DOCK7: variants seen among roughly 807,000 people sequenced by gnomAD.
The protein encoded by DOCK7 is dedicator of cytokinesis 7, also known as dedicator of cytokinesis protein 7.
DOCK7 carries 138 observed loss-of-function variants against 271.0 expected under a neutral mutation model. The ratio of observed to expected loss-of-function variants is 0.51; its 90% CI spans 0.44 to 0.59. The LOEUF is 0.59. Ranked by LOEUF, DOCK7 falls within the 20% of genes least tolerant of loss-of-function variation. DOCK7 has a pLI of 0.00. For synonymous variants in DOCK7, 823 were observed against 876.1 expected (o/e 0.94, Z 1.07); for missense variants, 2,066 against 2,592.4 (o/e 0.80, Z 4.41).
rs1456189072 is a variant in DOCK7, at chr1:62,533,681, A to C, written c.3611+1812T>G. 3.9e-5 allele frequency among the ~76,000 whole-genome samples: 6 copies of C among 152,292 alleles called. 1 individual carries two copies. In the East Asian group the frequency reaches 1.2e-3, roughly 29 times the overall value. ...TTTAAAATAGATTCCAAACTTAGGA[A>C]GTTGCCATTATAAAAAACACATGTC... On this transcript the variant is annotated intron_variant, in intron 29 of 49. Coordinates refer to ENST00000635253, the MANE Select transcript of DOCK7 (RefSeq NM_001367561.1).
chr1:62,684,557 T>C (rs1018900527), intron 1 of DOCK7, among the ~76,000 whole-genome samples: 2 of 152,220 alleles, frequency 1.3e-5, no homozygotes, highest in Non-Finnish European at 2.9e-5. Context: ...GTACATTTTC[T>C]GCCTCTCTGG....
intron 37 of DOCK7, among the ~76,000 whole-genome samples, chr1:62,504,338 T>C (rs1282005825): frequency 3.3e-5 from 5 of 152,214 alleles, no homozygotes; most frequent in African/African-American, 1.2e-4. Flanking sequence ...ATACTTAAAC[T>C]TGTATTTCTT....
At chr1:62,636,187 G>C (rs1432604048) in intron 8 of DOCK7, among the ~76,000 whole-genome samples, 1 of 152,190 alleles carries the variant, frequency 6.6e-6, no homozygotes, top group East Asian at 1.9e-4. Context: ...GGGAGGCGGA[G>C]CTTGCGCTGG....
At chr1:62,665,377 G>C (rs754750854) in intron 1 of DOCK7, among the ~76,000 whole-genome samples, 1 of 151,802 alleles carries the variant, frequency 6.6e-6, no homozygotes, top group Non-Finnish European at 1.5e-5. Context: ...TCCTCTCATC[G>C]AAGCTGAGAT....
intron 14 of DOCK7, among the ~76,000 whole-genome samples, chr1:62,607,559 G>A (rs539750224): frequency 5.3e-5 from 8 of 152,178 alleles, no homozygotes; most frequent in African/African-American, 1.7e-4. Flanking sequence ...TCAATCTTCC[G>A]AAAAGGAATT....
chr1:62,543,572 T>C (rs1645604017), intron 24 of DOCK7, 84 bp downstream of exon 24: 2 of 1,024,040 alleles, frequency 2.0e-6, no homozygotes, highest in Admixed American at 1.9e-5. Context: ...AAGTATCTCA[T>C]ACTGGTTATG....
intron 36 of DOCK7, 32 bp from the exon 37 acceptor site, chr1:62,504,814 T>A: frequency 6.2e-7 from 1 of 1,603,948 alleles, no homozygotes; most frequent in Non-Finnish European, 8.5e-7. Context: ...CACCACTGAA[T>A]TTTTACAGTA....
intron 2 of DOCK7, among the ~76,000 whole-genome samples, chr1:62,662,610 A>C (rs1426777411): frequency 6.6e-6 from 1 of 151,932 alleles, no homozygotes; most frequent in Non-Finnish European, 1.5e-5. Context: ...AAAATACAAA[A>C]ATTAGCTGGG....
chr1:62,514,830 T>C (rs1644611574), intron 31 of DOCK7, among the ~76,000 whole-genome samples: 1 of 151,984 alleles, frequency 6.6e-6, no homozygotes, highest in Admixed American at 6.6e-5. Flanking sequence ...CAAGAAAGGG[T>C]AAAGCTAGGA....
chr1:62,597,611 T>C lies in DOCK7; in HGVS notation c.1683-10987A>G, dbSNP rs982453920. On this transcript the variant is annotated intron_variant, in intron 14 of 49. Transcript: ENST00000635253. ...TTCTTTTTATTGTTCCTCTAGTTAT[T>C]TCCTCCAGAATTGATCAAGACAATT... 5.6e-6 allele frequency: 9 copies of C among 1,612,644 alleles called. No individual in the cohort carries two copies. In the African/African-American group the frequency reaches 1.2e-4, roughly 22 times the overall value.
At chr1:62,663,377 T>C (rs538023406) in intron 1 of DOCK7, among the ~76,000 whole-genome samples, 1 of 152,264 alleles carries the variant, frequency 6.6e-6, no homozygotes, top group Admixed American at 6.5e-5. Context: ...TTTTTTCTTA[T>C]ATGGCATTTT....
chr1:62,643,822 A>G (rs1464850885), intron 7 of DOCK7, among the ~76,000 whole-genome samples: 1 of 151,942 alleles, frequency 6.6e-6, no homozygotes, highest in Non-Finnish European at 1.5e-5. Context: ...AAATTTGTTC[A>G]GTTTTATCAT....
chr1:62,485,155 G>C, intron 43 of DOCK7: 2 of 985,106 alleles, frequency 2.0e-6, no homozygotes, highest in Non-Finnish European at 2.4e-6. Context: ...AATTTTAAAA[G>C]ACAACAAACA....
chr1:62,625,178 T>C lies in DOCK7; in HGVS notation c.1425+81A>G, dbSNP rs1048635424. ...TTGGAATCACCCTCCCATACATGTA[T>C]AGTACAATCACTACCTTTCTGAAAT... On this transcript the variant is annotated intron_variant, in intron 12 of 49. Transcript: ENST00000635253. 32 of 1,409,680 alleles carry C rather than the reference T, an allele frequency of 2.3e-5. No homozygotes were observed. The South Asian group carries it at 4.1e-4, about 18-fold the overall frequency. 87.3% of individuals were successfully genotyped at this position (1,409,680 alleles called of 1,614,324 possible). A position where few individuals can be genotyped will look rare whatever the true frequency, so the allele number is the denominator to read the frequency against.
chr1:62,456,514 CAG>C (rs1645352362), intron 49 of DOCK7, among the ~76,000 whole-genome samples: 2 of 152,100 alleles, frequency 1.3e-5, no homozygotes, highest in African/African-American at 4.8e-5. Context: ...TGAAGGGAAA[CAG>C]CAGTCTTGAA....
chr1:62,599,145 C>A (rs1304027980), intron 14 of DOCK7, among the ~76,000 whole-genome samples: 1 of 152,068 alleles, frequency 6.6e-6, no homozygotes, highest in Admixed American at 6.6e-5. Flanking sequence ...GATCATGTTT[C>A]TCTTTGCTCA....
intron 1 of DOCK7, among the ~76,000 whole-genome samples, chr1:62,686,164 T>TAA (rs1460417176): frequency 6.0e-3 from 11 of 1,828 alleles, no homozygotes; most frequent in African/African-American, 5.9e-3. Context: ...TAACTTTTTT[T>TAA]TTTTTTTTTT....
At chr1:62,475,486 G>C (rs1571220606) in intron 46 of DOCK7, 135 bp from the exon 47 acceptor site, 2 of 1,208,326 alleles carry the variant, frequency 1.7e-6, no homozygotes, top group Non-Finnish European at 2.2e-6. Flanking sequence ...TCCAAACTTG[G>C]ATTCCTAAAT....
chr1:62,469,543 TA>T (rs929114078), intron 48 of DOCK7, among the ~76,000 whole-genome samples: 1 of 151,916 alleles, frequency 6.6e-6, no homozygotes, highest in Non-Finnish European at 1.5e-5. Context: ...GCAAATGCAA[TA>T]AAAACAAAGA....
Sources: gnomAD v4.1 joint callset for allele counts (sites outside exome capture counted in the v4.1 genomes callset) on GRCh38, gnomAD v4.1.1 for gene constraint, MANE v1.5 for transcripts, NCBI Gene and HGNC (gene_info 2026-07-23, HGNC 2026-07-21) for gene names.